CLVS1: variants seen among roughly 807,000 people sequenced by gnomAD.
CLVS1 encodes clavesin-1.
A neutral mutation model predicts 33.1 loss-of-function variants in CLVS1; 10 were observed. The ratio of observed to expected loss-of-function variants is 0.30; its 90% confidence interval spans 0.19 to 0.51. The LOEUF (loss-of-function observed/expected upper bound fraction) is 0.51. Among genes scored for constraint, CLVS1 ranks in the 20% least tolerant of loss-of-function variants. CLVS1 has a pLI of 0.97. For synonymous variants in CLVS1, 163 were observed against 166.1 expected, an observed-to-expected ratio of 0.98 and a Z score of 0.14; for missense variants, 343 against 433.4, an observed-to-expected ratio of 0.79 and a Z score of 1.85.
At chr8:61,488,729 G>T (rs1409246840) in intron 5 of CLVS1, among the ~76,000 whole-genome samples, 1 of 152,156 alleles carries the variant, frequency 6.6e-6, no homozygotes, top group Admixed American at 6.5e-5. Flanking sequence ...GAAAAACTGA[G>T]ATGAGTTAGC....
At position 61,381,193 on chromosome 8, in the gene CLVS1, T is replaced by C. The variant is rs193279535; in HGVS notation, c.630+4414T>C. Among the ~76,000 whole-genome samples the C allele has an allele frequency of 3.4e-3, 516 of 152,236 alleles. 3 individuals carry two copies. The highest frequency in any genetic ancestry group is 5.8e-3 in the Non-Finnish European group (392 of 68,016). On this transcript the variant is annotated intron_variant, in intron 3 of 5. Coordinates refer to ENST00000325897, the MANE Select transcript of CLVS1 (RefSeq NM_173519.3). ...CTGTTAAAGATGTTTTTTATGACAT[T>C]TATATCAACTTTGATTCAACTTCTT...
At chr8:61,012,026 G>T in the CLVS1 span, among the ~76,000 whole-genome samples, 1 of 152,214 alleles carries the variant, frequency 6.6e-6, no homozygotes, top group Non-Finnish European at 1.5e-5. Flanking sequence ...ACACCTTTTA[G>T]CCAAGGGAGA....
At chr8:61,418,673 G>C (rs1815537392) in intron 3 of CLVS1, among the ~76,000 whole-genome samples, 1 of 152,134 alleles carries the variant, frequency 6.6e-6, no homozygotes, top group Admixed American at 6.5e-5. Context: ...CATATGAAAT[G>C]AGACTCATGA....
intron 2 of CLVS1, among the ~76,000 whole-genome samples, chr8:61,357,494 CTTTTTTTTTTT>C (rs1167743712): frequency 1.9e-4 from 5 of 25,810 alleles, no homozygotes; most frequent in Admixed American, 5.7e-4. Context: ...TTTTTCTTTT[CTTTTTTTTTTT>C]TTTTTTTTTT....
intron 2 of CLVS1, among the ~76,000 whole-genome samples, chr8:61,268,530 C>T (rs1411895928): frequency 2.7e-5 from 4 of 147,906 alleles, no homozygotes; most frequent in African/African-American, 1.0e-4. Flanking sequence ...GGGTATATAC[C>T]CAGTAATGGG....
intron 2 of CLVS1, among the ~76,000 whole-genome samples, chr8:61,343,396 G>A (rs1352889785): frequency 6.6e-6 from 1 of 152,180 alleles, no homozygotes; most frequent in Non-Finnish European, 1.5e-5. Context: ...ATAATAGTAT[G>A]TTGAAAGATC....
intron 5 of CLVS1, among the ~76,000 whole-genome samples, chr8:61,481,322 C>T (rs1818185768): frequency 6.6e-6 from 1 of 152,182 alleles, no homozygotes; most frequent in Non-Finnish European, 1.5e-5. Context: ...GTGATTTCTG[C>T]ATTTCCAACT....
At chr8:61,394,656 C>A (rs551247721) in intron 3 of CLVS1, among the ~76,000 whole-genome samples, 1 of 152,246 alleles carries the variant, frequency 6.6e-6, no homozygotes, top group South Asian at 2.1e-4. Context: ...ATGCAGCCAG[C>A]GAGGTCAGTT....
At chr8:61,218,112 A>T (rs935518303) in intron 2 of CLVS1, among the ~76,000 whole-genome samples, 1 of 152,232 alleles carries the variant, frequency 6.6e-6, no homozygotes, top group Non-Finnish European at 1.5e-5. Flanking sequence ...AAAAACTACC[A>T]ATAGAAATAC....
chr8:60,980,777 C>T, the CLVS1 span, among the ~76,000 whole-genome samples: 2 of 151,208 alleles, frequency 1.3e-5, no homozygotes, highest in Non-Finnish European at 3.0e-5. Context: ...CAGAGTGAGA[C>T]CCCATCTCAA....
intron 2 of CLVS1, among the ~76,000 whole-genome samples, chr8:61,331,460 T>TTTA (rs776818479): frequency 2.6e-5 from 4 of 151,662 alleles, no homozygotes; most frequent in East Asian, 3.8e-4. Flanking sequence ...TTCCCTGGGC[T>TTTA]TTATTATTAT....
chr8:60,973,891 G>A, the CLVS1 span, among the ~76,000 whole-genome samples: 8 of 152,124 alleles, frequency 5.3e-5, no homozygotes, highest in African/African-American at 1.7e-4. Context: ...GGAGGGTGGC[G>A]GCCCTCTCCT....
chr8:61,124,029 ACTC>A (rs1374802850), intron 1 of CLVS1, among the ~76,000 whole-genome samples: 1 of 152,198 alleles, frequency 6.6e-6, no homozygotes. Context: ...AGACAAAAAG[ACTC>A]CTACTTTCAA....
intron 3 of CLVS1, among the ~76,000 whole-genome samples, chr8:61,395,489 C>T (rs768611160): frequency 1.3e-5 from 2 of 152,126 alleles, no homozygotes; most frequent in African/African-American, 2.4e-5. Flanking sequence ...AATGATAAAT[C>T]ATTGAGGTGA....
At chr8:61,482,028 C>T (rs1193428584) in intron 5 of CLVS1, among the ~76,000 whole-genome samples, 1 of 152,168 alleles carries the variant, frequency 6.6e-6, no homozygotes, top group Non-Finnish European at 1.5e-5. Flanking sequence ...GCAGCAACAT[C>T]TGCTGTTCTG....
the CLVS1 span, among the ~76,000 whole-genome samples, chr8:60,995,593 A>AG: frequency 6.6e-6 from 1 of 152,232 alleles, no homozygotes; most frequent in Non-Finnish European, 1.5e-5. Context: ...CCATTGTGGA[A>AG]GTCAGAGTGG....
At chr8:61,488,010 AACTG>A (rs1244430721) in intron 5 of CLVS1, among the ~76,000 whole-genome samples, 1 of 152,200 alleles carries the variant, frequency 6.6e-6, no homozygotes, top group Non-Finnish European at 1.5e-5. Flanking sequence ...GATGCTGTGA[AACTG>A]ACTGGCAGCT....
chr8:61,099,319 C>T (rs1805407339), intron 1 of CLVS1, among the ~76,000 whole-genome samples: 1 of 151,692 alleles, frequency 6.6e-6, no homozygotes, highest in South Asian at 2.1e-4. Flanking sequence ...TCAAAGGGCT[C>T]TGGAGAGCGG....
At chr8:61,045,947 A>G in the CLVS1 span, among the ~76,000 whole-genome samples, 4 of 152,006 alleles carry the variant, frequency 2.6e-5, no homozygotes, top group African/African-American at 9.7e-5. Flanking sequence ...TTGCCTGTAC[A>G]CTCTGATGGT....
Sources: gnomAD v4.1 joint callset for allele counts (sites outside exome capture counted in the v4.1 genomes callset) on GRCh38, gnomAD v4.1.1 for gene constraint, MANE v1.5 for transcripts, NCBI Gene and HGNC (gene_info 2026-07-23, HGNC 2026-07-21) for gene names.